Variants in FABP12 observed in about 807,000 individuals in gnomAD.
FABP12 encodes the protein fatty acid-binding protein 12.
In FABP12, 19 loss-of-function variants were observed where a neutral mutation model predicts 13.7. That is an observed-to-expected ratio of 1.39 (90% CI 0.97 to 2.04). FABP12 has a LOEUF of 2.04. Ranked by LOEUF, FABP12 falls within the 30% of genes most tolerant of loss-of-function variation. The pLI is 0.00. For synonymous variants in FABP12, 61 were observed against 57.0 expected (o/e 1.07, Z -0.32); for missense variants, 182 against 164.2 (o/e 1.11, Z -0.59).
intron 1 of FABP12, among the ~76,000 whole-genome samples, chr8:81,547,308 T>C (rs1006464505): frequency 2.0e-5 from 3 of 152,204 alleles, no homozygotes; most frequent in Admixed American, 2.0e-4. Flanking sequence ...AATTCAAAAG[T>C]GTGCTCCTCT....
intron 1 of FABP12, among the ~76,000 whole-genome samples, chr8:81,572,292 CT>C (rs756531742): frequency 8.5e-5 from 13 of 152,268 alleles, no homozygotes; most frequent in Non-Finnish European, 1.5e-4. Context: ...TAATTCATTC[CT>C]TTTTATGGCT....
chr8:81,537,340 A>G (rs73277208), upstream of FABP12, among the ~76,000 whole-genome samples: 4,010 of 152,292 alleles, frequency 0.026, 159 homozygotes, highest in African/African-American at 0.089. Context: ...CTAAACTGGA[A>G]TGGTTAATGA....
At chr8:81,556,630 T>C (rs1011547074) in intron 1 of FABP12, among the ~76,000 whole-genome samples, 4 of 151,122 alleles carry the variant, frequency 2.6e-5, no homozygotes, top group African/African-American at 9.7e-5. Context: ...TAGGAAAATA[T>C]CCCATAGAAA....
intron 1 of FABP12, among the ~76,000 whole-genome samples, chr8:81,567,603 T>C (rs1296003757): frequency 6.6e-6 from 1 of 152,170 alleles, no homozygotes; most frequent in Non-Finnish European, 1.5e-5. Context: ...TGGATATCCA[T>C]ATGCAGAAGA....
chr8:81,530,366 G>A (rs762091982), intron 2 of FABP12, among the ~76,000 whole-genome samples: 36 of 151,828 alleles, frequency 2.4e-4, no homozygotes, highest in Non-Finnish European at 4.3e-4. Flanking sequence ...AATTTATTTT[G>A]TCTGTCTCCC....
chr8:81,554,226 A>G (rs989158515), intron 1 of FABP12, among the ~76,000 whole-genome samples: 2 of 152,342 alleles, frequency 1.3e-5, no homozygotes, highest in African/African-American at 4.8e-5. Flanking sequence ...GTTGGGTTAT[A>G]CAAACAATAC....
intron 2 of FABP12, 44 bp from the exon 3 acceptor site, chr8:81,529,654 T>G: frequency 6.6e-7 from 1 of 1,510,844 alleles, no homozygotes; most frequent in Non-Finnish European, 9.1e-7. Context: ...GCATAAAGAA[T>G]TACAAATACA....
intron 1 of FABP12, among the ~76,000 whole-genome samples, chr8:81,582,734 G>C (rs967978721): frequency 6.6e-6 from 1 of 152,042 alleles, no homozygotes; most frequent in Admixed American, 6.6e-5. Flanking sequence ...TAAAGGGAGA[G>C]AGAGACTGTA....
chr8:81,529,482 C>A lies in FABP12; in HGVS notation c.202G>T (p.Gly68Ter), dbSNP rs200852441. The change falls in exon 3 of 5, where the codon GGA (glycine) becomes TGA (stop). Residue 68 changes from glycine (G) to a stop codon, truncating the protein, a stop_gained. Transcript: ENST00000360464. LOFTEE classifies it high-confidence loss of function. ...GGCGTGATTTCCTCAAACTCTTCTC[C>A]CAGCTTAAAGGAGATCTCATTATTT... is the stretch of plus-strand genomic sequence containing the variant. 1 of 1,613,814 alleles carries A rather than the reference C, an allele frequency of 6.2e-7. No homozygotes were observed. The highest frequency in any genetic ancestry group is 8.5e-7 in the Non-Finnish European group (1 of 1,179,858).
upstream of FABP12, among the ~76,000 whole-genome samples, chr8:81,537,605 A>G (rs1809253552): frequency 6.6e-6 from 1 of 152,212 alleles, no homozygotes; most frequent in Non-Finnish European, 1.5e-5. Flanking sequence ...AAATATCTGC[A>G]TGAGTCTCTT....
At chr8:81,585,958 A>G (rs1339022592) in intron 1 of FABP12, among the ~76,000 whole-genome samples, 13 of 152,076 alleles carry the variant, frequency 8.5e-5, no homozygotes, top group Non-Finnish European at 1.6e-4. Context: ...TCAGCATCAT[A>G]TTCAATAGGT....
intron 1 of FABP12, among the ~76,000 whole-genome samples, chr8:81,588,003 A>C (rs1337885750): frequency 6.6e-6 from 1 of 152,188 alleles, no homozygotes; most frequent in African/African-American, 2.4e-5. Context: ...GGAAGCATCC[A>C]ACAATGTAGA....
At chr8:81,529,289 T>C (rs774347342) in intron 3 of FABP12, 149 bp downstream of exon 3, 11 of 740,914 alleles carry the variant, frequency 1.5e-5, no homozygotes, top group Non-Finnish European at 2.4e-5. Context: ...AAGATTTGTA[T>C]CTTCACATTG....
At chr8:81,583,279 C>T (rs994435090) in intron 1 of FABP12, among the ~76,000 whole-genome samples, 5 of 151,960 alleles carry the variant, frequency 3.3e-5, no homozygotes, top group African/African-American at 1.2e-4. Flanking sequence ...AACAATCTAA[C>T]AATGCACCTC....
chr8:81,558,687 C>G (rs570664255), intron 1 of FABP12, among the ~76,000 whole-genome samples: 2 of 152,006 alleles, frequency 1.3e-5, no homozygotes, highest in South Asian at 4.2e-4. Context: ...GTCAGGAGTT[C>G]GAGACCAGCC....
chr8:81,578,775 C>G (rs182909187), intron 1 of FABP12, among the ~76,000 whole-genome samples: 1 of 148,270 alleles, frequency 6.7e-6, no homozygotes, highest in African/African-American at 2.5e-5. Context: ...TGAGCCACCG[C>G]GCCTGGCCTA....
chr8:81,525,571 A>C (rs1808879125), intron 4 of FABP12, among the ~76,000 whole-genome samples: 2 of 152,224 alleles, frequency 1.3e-5, no homozygotes, highest in African/African-American at 2.4e-5. Context: ...ATAGATAGAT[A>C]GATAGATCTA....
chr8:81,548,732 G>A (rs1175756171), intron 1 of FABP12, among the ~76,000 whole-genome samples: 1 of 152,108 alleles, frequency 6.6e-6, no homozygotes, highest in Non-Finnish European at 1.5e-5. Flanking sequence ...ATTTTTGGCA[G>A]ATAAGAAAGT....
intron 4 of FABP12, chr8:81,526,498 G>A (rs143599772): frequency 3.9e-5 from 6 of 152,344 alleles, no homozygotes; most frequent in African/African-American, 1.4e-4. Flanking sequence ...CTGTTAAATG[G>A]GATAATAAGC....
Sources: allele counts gnomAD v4.1 joint callset (sites outside exome capture counted in the v4.1 genomes callset), GRCh38; gene constraint gnomAD v4.1.1; transcripts MANE v1.5; gene names NCBI Gene and HGNC (gene_info 2026-07-23, HGNC 2026-07-21).